The following CNTN1 variants were observed in gnomAD, a reference collection of about 807,000 sequenced individuals.
CNTN1 encodes contactin-1.
A neutral mutation model predicts 126.4 loss-of-function variants in CNTN1; 38 were observed. The ratio of observed to expected loss-of-function variants is 0.30; its 90% confidence interval spans 0.23 to 0.39. The LOEUF (loss-of-function observed/expected upper bound fraction) is 0.39. Ranked by LOEUF, CNTN1 falls within the 10% of genes least tolerant of loss-of-function variation. The pLI, the probability that CNTN1 is intolerant of heterozygous loss-of-function variation, is 1.00. For missense variants in CNTN1, 1,009 were observed against 1,248.4 expected, an observed-to-expected ratio of 0.81 and a Z score of 2.89; for synonymous variants, 413 against 422.6, an observed-to-expected ratio of 0.98 and a Z score of 0.28.
chr12:40,923,219 G>T (rs1488750387), intron 5 of CNTN1, among the ~76,000 whole-genome samples: 1 of 151,904 alleles, frequency 6.6e-6, no homozygotes, highest in Admixed American at 6.6e-5. Flanking sequence ...TAAATTACAT[G>T]AAACATTTCT....
At chr12:40,893,501 T>A (rs1332303148) in intron 1 of CNTN1, among the ~76,000 whole-genome samples, 1 of 152,034 alleles carries the variant, frequency 6.6e-6, no homozygotes, top group African/African-American at 2.4e-5. Context: ...GCAATTTTTT[T>A]TAAATGTTTT....
rs376989801 is a variant in CNTN1 at position 40,738,350 on chromosome 12, C to T, written c.-77+45758C>T. The stretch of plus-strand genomic sequence containing the variant: ...GGAGATGGGGCAGAAATTTTTACTT[C>T]ATACTAATAAAATCAAGTCCATTAG... On this transcript the variant is annotated intron_variant, in intron 1 of 23. Transcript: ENST00000551295. Among the ~76,000 whole-genome samples, 11 of 151,948 alleles carry T rather than the reference C, an allele frequency of 7.2e-5. No individual in the cohort carries two copies. In the East Asian group the frequency reaches 1.5e-3, roughly 21 times the overall value.
At chr12:40,749,177 A>T (rs1938297279) in intron 1 of CNTN1, among the ~76,000 whole-genome samples, 1 of 152,090 alleles carries the variant, frequency 6.6e-6, no homozygotes, top group Non-Finnish European at 1.5e-5. Context: ...AGACTGAGCT[A>T]TATAATACTT....
At position 40,759,271 on chromosome 12, in the gene CNTN1, G is replaced by A. The variant is rs531429757; in HGVS notation, c.-77+66679G>A. ...AATAAGGTTTGTTTATACAAATGGA[G>A]GATTGAAACTTGCTTAGTTCTGATT... On this transcript the variant is annotated intron_variant, in intron 1 of 23. Coordinates refer to ENST00000551295, the MANE Select transcript of CNTN1 (RefSeq NM_001843.4). 6.6e-5 allele frequency among the ~76,000 whole-genome samples: 10 copies of A among 152,282 alleles called. No individual in the cohort carries two copies. The East Asian group carries it at 1.9e-3, about 29-fold the overall frequency.
At chr12:40,743,977 C>A (rs1365853533) in intron 1 of CNTN1, among the ~76,000 whole-genome samples, 1 of 152,008 alleles carries the variant, frequency 6.6e-6, no homozygotes, top group Non-Finnish European at 1.5e-5. Flanking sequence ...GGATCATGTC[C>A]TTTGCAGGGA....
chr12:40,914,438 G>T (rs1244884682), intron 3 of CNTN1, among the ~76,000 whole-genome samples: 1 of 152,056 alleles, frequency 6.6e-6, no homozygotes, highest in Non-Finnish European at 1.5e-5. Context: ...TCTTTCAAGG[G>T]CCCAAATATG....
At chr12:40,848,684 G>A (rs1335055142) in intron 1 of CNTN1, among the ~76,000 whole-genome samples, 3 of 152,064 alleles carry the variant, frequency 2.0e-5, no homozygotes, top group Admixed American at 1.3e-4. Flanking sequence ...TTTCAAGGAT[G>A]CATGTCACAT....
chr12:40,941,939 T>C (rs1308946083), intron 12 of CNTN1, among the ~76,000 whole-genome samples: 2 of 152,176 alleles, frequency 1.3e-5, no homozygotes, highest in Admixed American at 6.6e-5. Context: ...AATTTTAATC[T>C]CAAAGGCAAA....
intron 23 of CNTN1, among the ~76,000 whole-genome samples, chr12:41,064,778 T>C (rs1566250589): frequency 6.6e-6 from 1 of 151,304 alleles, no homozygotes; most frequent in Non-Finnish European, 1.5e-5. Flanking sequence ...TCTAGATAGA[T>C]AGATAGATAG....
intron 13 of CNTN1, 79 bp downstream of exon 13, chr12:40,943,803 G>A (rs1212464548): frequency 2.6e-6 from 4 of 1,524,882 alleles, no homozygotes; most frequent in Non-Finnish European, 3.6e-6. Context: ...AACAGTCAAT[G>A]TATTTGTAAG....
intron 1 of CNTN1, among the ~76,000 whole-genome samples, chr12:40,739,157 C>G (rs1175346945): frequency 6.6e-6 from 1 of 152,010 alleles, no homozygotes; most frequent in East Asian, 1.9e-4. Flanking sequence ...AGGAGACTCT[C>G]TCACAAATAC....
intron 1 of CNTN1, among the ~76,000 whole-genome samples, chr12:40,778,400 T>C (rs1274499818): frequency 1.3e-5 from 2 of 151,840 alleles, no homozygotes; most frequent in Non-Finnish European, 2.9e-5. Context: ...AATTGGGTAG[T>C]TGTCACAGAG....
chr12:40,791,322 G>C (rs1303970503), intron 1 of CNTN1, among the ~76,000 whole-genome samples: 2 of 152,052 alleles, frequency 1.3e-5, no homozygotes, highest in African/African-American at 4.8e-5. Context: ...CGTATACGTA[G>C]AGTAATTGCT....
At chr12:40,735,568 G>A (rs761859972) in intron 1 of CNTN1, among the ~76,000 whole-genome samples, 10 of 152,012 alleles carry the variant, frequency 6.6e-5, no homozygotes, top group Admixed American at 4.6e-4. Flanking sequence ...TGAGAAAGGA[G>A]ACCAAAGATA....
intron 1 of CNTN1, among the ~76,000 whole-genome samples, chr12:40,805,489 T>A: frequency 6.6e-6 from 1 of 151,896 alleles, no homozygotes; most frequent in East Asian, 1.9e-4. Context: ...ATTATCTTCT[T>A]AAAAAAAAGT....
intron 1 of CNTN1, among the ~76,000 whole-genome samples, chr12:40,852,478 T>A (rs312274): frequency 0.24 from 35,984 of 152,004 alleles, 4,735 homozygotes; most frequent in South Asian, 0.35. Context: ...TTCCTACATA[T>A]CATTCATTTA....
chr12:40,908,571 G>A, intron 2 of CNTN1, 78 bp downstream of exon 2: 1 of 1,095,962 alleles, frequency 9.1e-7, no homozygotes, highest in Non-Finnish European at 1.3e-6. Flanking sequence ...TGTATTGTAT[G>A]AAGTAAAAAT....
chr12:40,939,793 G>A (rs1480251504), intron 12 of CNTN1, among the ~76,000 whole-genome samples: 1 of 152,054 alleles, frequency 6.6e-6, no homozygotes, highest in African/African-American at 2.4e-5. Flanking sequence ...GGGAAATAAA[G>A]TAGGATCTCT....
At chr12:40,972,810 C>A in intron 15 of CNTN1, 1 of 200,208 alleles carries the variant, frequency 5.0e-6, no homozygotes, top group Non-Finnish European at 8.9e-6. Context: ...GTATTAAGGG[C>A]ATCTTTCCAT....
Sources: allele counts gnomAD v4.1 joint callset (sites outside exome capture counted in the v4.1 genomes callset), GRCh38; gene constraint gnomAD v4.1.1; transcripts MANE v1.5; gene names NCBI Gene and HGNC (gene_info 2026-07-23, HGNC 2026-07-21).